Variants in CSMD1 observed in about 807,000 individuals in gnomAD.
The protein encoded by CSMD1 is CUB and sushi domain-containing protein 1.
In CSMD1, 213 loss-of-function variants were observed where a neutral mutation model predicts 417.5. The ratio of observed to expected loss-of-function variants is 0.51; its 90% CI spans 0.46 to 0.57. The LOEUF (loss-of-function observed/expected upper bound fraction) is 0.57, where lower values mean the gene tolerates loss of function less well. CSMD1 is among the 20% of genes least tolerant of loss of function. The pLI is 0.00. For missense variants in CSMD1, 6,923 were observed against 4,529.7 expected (o/e 1.53, Z -15.17); for synonymous variants, 2,862 against 1,736.8 (o/e 1.65, Z -16.11).
chr8:3,308,523 G>A lies in CSMD1; in HGVS notation c.3632-20C>T, dbSNP rs759920735. The A allele has an allele frequency of 4.4e-6, 7 of 1,593,718 alleles. No homozygotes were observed. In the Admixed American group the frequency reaches 6.8e-5, roughly 16 times the overall value. On this transcript the variant is annotated intron_variant, in intron 23 of 69. Transcript: ENST00000635120. ...CAAAACCTGCAAGAGAGAAAGGCAA[G>A]GAATGAACAGAACTCAAGGGTGGAC...
At chr8:4,363,595 T>G (rs1426411686) in intron 3 of CSMD1, among the ~76,000 whole-genome samples, 1 of 152,140 alleles carries the variant, frequency 6.6e-6, no homozygotes, top group Non-Finnish European at 1.5e-5. Flanking sequence ...GAGGACCCAT[T>G]TCAAAGAGAC....
chr8:4,826,745 G>C (rs957653299), intron 1 of CSMD1, among the ~76,000 whole-genome samples: 1 of 152,096 alleles, frequency 6.6e-6, no homozygotes, highest in Non-Finnish European at 1.5e-5. Flanking sequence ...CCAATGGAGA[G>C]ACAGTTCTGT....
At chr8:4,818,612 C>G (rs988129728) in intron 1 of CSMD1, among the ~76,000 whole-genome samples, 12 of 152,054 alleles carry the variant, frequency 7.9e-5, no homozygotes, top group Non-Finnish European at 1.8e-4. Context: ...CTTGTCACAC[C>G]CTTGAGGGAA....
intron 3 of CSMD1, among the ~76,000 whole-genome samples, chr8:4,292,390 C>T (rs1032380590): frequency 6.6e-6 from 1 of 151,964 alleles, no homozygotes; most frequent in Non-Finnish European, 1.5e-5. Flanking sequence ...GTACCTGGGA[C>T]TACAGGTGCC....
At chr8:4,071,456 CTA>C in intron 3 of CSMD1, among the ~76,000 whole-genome samples, 1 of 152,088 alleles carries the variant, frequency 6.6e-6, no homozygotes, top group East Asian at 1.9e-4. Flanking sequence ...TTTATAACGC[CTA>C]TTTTTTTCCT....
At chr8:4,075,218 A>C (rs1369577839) in intron 3 of CSMD1, among the ~76,000 whole-genome samples, 1 of 152,200 alleles carries the variant, frequency 6.6e-6, no homozygotes, top group Non-Finnish European at 1.5e-5. Context: ...ATTTCATTCT[A>C]GTATGTGCAG....
At chr8:4,062,319 A>AAT (rs1454394230) in intron 3 of CSMD1, among the ~76,000 whole-genome samples, 3 of 152,060 alleles carry the variant, frequency 2.0e-5, no homozygotes, top group Non-Finnish European at 4.4e-5. Context: ...ACTTCTAAAT[A>AAT]ATATGGTCCA....
At chr8:4,717,549 C>CCTATCTAT (rs555540196) in intron 1 of CSMD1, among the ~76,000 whole-genome samples, 1,837 of 148,830 alleles carry the variant, frequency 0.012, 49 homozygotes, top group African/African-American at 0.044. Flanking sequence ...TGTCTGTCTA[C>CCTATCTAT]CTATCTATCT....
intron 5 of CSMD1, among the ~76,000 whole-genome samples, chr8:3,912,803 A>G (rs1038656881): frequency 5.3e-5 from 8 of 152,248 alleles, no homozygotes; most frequent in African/African-American, 1.7e-4. Context: ...TAGCTAGAGT[A>G]AACATGGTAG....
chr8:3,048,796 C>T (rs1372387664), intron 50 of CSMD1, among the ~76,000 whole-genome samples: 1 of 151,116 alleles, frequency 6.6e-6, no homozygotes, highest in Non-Finnish European at 1.5e-5. Context: ...ATGAAAAGAC[C>T]AGCCACAGAC....
intron 5 of CSMD1, among the ~76,000 whole-genome samples, chr8:3,890,062 T>C (rs916711991): frequency 6.6e-6 from 1 of 152,160 alleles, no homozygotes; most frequent in African/African-American, 2.4e-5. Flanking sequence ...TCCCAATTTA[T>C]CATTGCATTT....
intron 1 of CSMD1, among the ~76,000 whole-genome samples, chr8:4,883,007 C>G (rs1339963248): frequency 6.6e-6 from 1 of 152,026 alleles, no homozygotes; most frequent in Non-Finnish European, 1.5e-5. Context: ...TGACAATTAG[C>G]TGAGAGCTCC....
At chr8:4,456,816 G>A (rs964479307) in intron 2 of CSMD1, among the ~76,000 whole-genome samples, 6 of 151,970 alleles carry the variant, frequency 3.9e-5, no homozygotes, top group African/African-American at 1.2e-4. Flanking sequence ...TGTGAAGGCT[G>A]AGCCAGTGGG....
At chr8:4,059,994 A>G (rs1798888194) in intron 3 of CSMD1, among the ~76,000 whole-genome samples, 1 of 152,188 alleles carries the variant, frequency 6.6e-6, no homozygotes, top group South Asian at 2.1e-4. Context: ...CAGCCAAAAA[A>G]GAGAATTTTA....
chr8:3,590,773 A>G (rs1800811610), intron 8 of CSMD1, among the ~76,000 whole-genome samples: 1 of 152,176 alleles, frequency 6.6e-6, no homozygotes, highest in Non-Finnish European at 1.5e-5. Context: ...AGGAGACTCC[A>G]CGTGGGAATA....
Position 4,527,631 on chromosome 8 carries a change from A to G in CSMD1, c.303-107566T>C, listed in dbSNP as rs185017710. ...GCCCCATATTGCAGCCATAGATCCC[A>G]GAACTATAGATAAAATTTGAATACT... is the stretch of plus-strand genomic sequence containing the variant. On this transcript the variant is annotated intron_variant, in intron 2 of 69. Coordinates refer to ENST00000635120, the MANE Select transcript of CSMD1 (RefSeq NM_033225.6). Among the ~76,000 whole-genome samples, 59 of 152,346 alleles carry G rather than the reference A, an allele frequency of 3.9e-4. No individual in the cohort carries two copies. The East Asian group carries it at 0.011, about 28-fold the overall frequency.
intron 2 of CSMD1, among the ~76,000 whole-genome samples, chr8:4,573,448 G>A (rs1214551457): frequency 6.6e-6 from 1 of 152,108 alleles, no homozygotes; most frequent in Non-Finnish European, 1.5e-5. Context: ...GTCACCAGTG[G>A]AGGCTGCAGA....
intron 1 of CSMD1, among the ~76,000 whole-genome samples, chr8:4,825,770 T>C (rs534932305): frequency 9.5e-5 from 14 of 146,784 alleles, no homozygotes; most frequent in African/African-American, 3.5e-4. Flanking sequence ...ACATGAAGCT[T>C]CTACAAATCA....
chr8:4,431,735 T>C (rs1251723586), intron 2 of CSMD1, among the ~76,000 whole-genome samples: 1 of 152,228 alleles, frequency 6.6e-6, no homozygotes, highest in Non-Finnish European at 1.5e-5. Flanking sequence ...TCAATTGTTG[T>C]TCTAACAATT....
Sources: allele counts gnomAD v4.1 joint callset (sites outside exome capture counted in the v4.1 genomes callset), GRCh38; gene constraint gnomAD v4.1.1; transcripts MANE v1.5; gene names NCBI Gene and HGNC (gene_info 2026-07-23, HGNC 2026-07-21).